Variants in FAM107B observed in about 807,000 individuals in gnomAD.
FAM107B encodes protein FAM107B.
Under a neutral mutation model 31.5 loss-of-function variants are expected in FAM107B, and 21 were observed. That is an observed-to-expected ratio of 0.67 (90% CI 0.47 to 0.96). FAM107B has a LOEUF of 0.96. Among genes scored for constraint, FAM107B ranks in the 40% least tolerant of loss-of-function variants. The pLI is 0.00. For synonymous variants in FAM107B, 157 were observed against 141.5 expected, an observed-to-expected ratio of 1.11 and a Z score of -0.78; for missense variants, 452 against 377.1, an observed-to-expected ratio of 1.20 and a Z score of -1.64.
chr10:14,752,040 A>G (rs1832838503), intron 1 of FAM107B, among the ~76,000 whole-genome samples: 1 of 152,092 alleles, frequency 6.6e-6, no homozygotes, highest in African/African-American at 2.4e-5. Context: ...CCCTATTGTG[A>G]TATTTACTGG....
intron 1 of FAM107B, among the ~76,000 whole-genome samples, chr10:14,737,766 T>TTCTCTCTCACTCTCTCTCTCTC (rs1856336806): frequency 7.9e-6 from 1 of 127,050 alleles, no homozygotes; most frequent in Non-Finnish European, 1.6e-5. Context: ...CGTGCACGCT[T>TTCTCTCTCACTCTCTCTCTCTC]TCTCTCTCTC....
At chr10:14,565,993 G>A (rs1019564941) in intron 2 of FAM107B, among the ~76,000 whole-genome samples, 7 of 152,234 alleles carry the variant, frequency 4.6e-5, no homozygotes, top group Admixed American at 3.9e-4. Flanking sequence ...TGCAGCACTG[G>A]CTTCATGGGC....
chr10:14,530,531 G>A lies in FAM107B; in HGVS notation c.470-16C>T. On this transcript the variant is annotated splice_polypyrimidine_tract_variant and intron_variant, in intron 2 of 4. Transcript: ENST00000181796. ...GGTGGGCTGTCTGAAAGAGAAAGAT[G>A]AGAAACACTCATTTGCAGTTTTTGC... 6.2e-7 allele frequency: 1 copy of A among 1,610,158 alleles called. No homozygotes were observed. Among genetic ancestry groups the A allele is most frequent in the Admixed American group, 1.7e-5 (1 of 59,590 alleles).
intron 1 of FAM107B, among the ~76,000 whole-genome samples, chr10:14,717,124 T>G (rs1855798087): frequency 6.6e-6 from 1 of 151,988 alleles, no homozygotes; most frequent in Non-Finnish European, 1.5e-5. Context: ...TAAAGTGACT[T>G]GTACATGGCA....
At chr10:14,623,238 G>T (rs185380514) in intron 2 of FAM107B, among the ~76,000 whole-genome samples, 1 of 152,088 alleles carries the variant, frequency 6.6e-6, no homozygotes, top group Non-Finnish European at 1.5e-5. Flanking sequence ...TAAGGCAAAC[G>T]CACCTTATTC....
At chr10:14,693,453 C>T (rs559736540) in intron 1 of FAM107B, among the ~76,000 whole-genome samples, 58 of 145,918 alleles carry the variant, frequency 4.0e-4, no homozygotes, top group South Asian at 3.3e-3. Context: ...ACTCCAGCCT[C>T]GGCGACAGAG....
At chr10:14,703,950 G>C (rs573869346) in intron 1 of FAM107B, among the ~76,000 whole-genome samples, 4 of 152,224 alleles carry the variant, frequency 2.6e-5, no homozygotes, top group Non-Finnish European at 5.9e-5. Flanking sequence ...CATTTTTAAA[G>C]GGGGAGAGGA....
At chr10:14,608,574 T>C (rs1430548945) in intron 2 of FAM107B, among the ~76,000 whole-genome samples, 2 of 152,194 alleles carry the variant, frequency 1.3e-5, no homozygotes, top group African/African-American at 4.8e-5. Context: ...TGATGGCAGC[T>C]GTCAGCTCAG....
At chr10:14,696,179 A>C (rs1392827084) in intron 1 of FAM107B, among the ~76,000 whole-genome samples, 1 of 152,244 alleles carries the variant, frequency 6.6e-6, no homozygotes, top group Non-Finnish European at 1.5e-5. Flanking sequence ...TTCAGAGTTT[A>C]TATCAAGAAA....
intron 1 of FAM107B, among the ~76,000 whole-genome samples, chr10:14,711,301 C>T (rs1187997066): frequency 2.0e-5 from 3 of 152,224 alleles, no homozygotes; most frequent in East Asian, 1.9e-4. Context: ...CCTTTAGATT[C>T]ACTCACCACT....
At chr10:14,724,200 T>A (rs796783932) in intron 1 of FAM107B, 1 of 408,764 alleles carries the variant, frequency 2.4e-6, no homozygotes, top group Non-Finnish European at 4.5e-6. Context: ...TTGTGTCTTA[T>A]ATTTAGGTCT....
At chr10:14,675,267 C>T (rs1219885906) in intron 1 of FAM107B, among the ~76,000 whole-genome samples, 2 of 152,042 alleles carry the variant, frequency 1.3e-5, no homozygotes, top group African/African-American at 4.8e-5. Context: ...TTTATGGCAC[C>T]GTGGTCAGGG....
chr10:14,750,277 G>A (rs778723441), intron 1 of FAM107B, among the ~76,000 whole-genome samples: 1 of 152,164 alleles, frequency 6.6e-6, no homozygotes, highest in Non-Finnish European at 1.5e-5. Flanking sequence ...ACATCGTAAC[G>A]GAAAGACATA....
chr10:14,530,585 C>T, intron 2 of FAM107B, 70 bp from the exon 3 acceptor site: 1 of 1,453,882 alleles, frequency 6.9e-7, no homozygotes, highest in African/African-American at 1.4e-5. Flanking sequence ...TGCAGAGGCC[C>T]ACAGAGCTGT....
chr10:14,587,315 T>G (rs141749613), intron 2 of FAM107B, among the ~76,000 whole-genome samples: 320 of 152,344 alleles, frequency 2.1e-3, no homozygotes, highest in African/African-American at 7.4e-3. Flanking sequence ...CAGGTACTCA[T>G]GTATTTATTC....
intron 2 of FAM107B, among the ~76,000 whole-genome samples, chr10:14,658,506 T>C (rs1478766039): frequency 2.6e-5 from 4 of 152,218 alleles, no homozygotes; most frequent in Non-Finnish European, 5.9e-5. Context: ...ACATCAAAAG[T>C]CACGTTGTAA....
chr10:14,648,486 G>A (rs1473064260), intron 2 of FAM107B, among the ~76,000 whole-genome samples: 1 of 152,198 alleles, frequency 6.6e-6, no homozygotes, highest in Non-Finnish European at 1.5e-5. Flanking sequence ...CAGGCTCCGA[G>A]GGGAAAAGAA....
chr10:14,571,278 G>A (rs188160869), intron 2 of FAM107B, among the ~76,000 whole-genome samples: 3 of 152,096 alleles, frequency 2.0e-5, no homozygotes, highest in Admixed American at 1.3e-4. Context: ...TGCATTTTTG[G>A]GGGTGACACA....
chr10:14,581,743 C>T (rs1038347495), intron 2 of FAM107B, among the ~76,000 whole-genome samples: 1 of 152,088 alleles, frequency 6.6e-6, no homozygotes, highest in Non-Finnish European at 1.5e-5. Context: ...TCTACAAAAA[C>T]ATAGTAAAAC....
Sources: allele counts gnomAD v4.1 joint callset (sites outside exome capture counted in the v4.1 genomes callset), GRCh38; gene constraint gnomAD v4.1.1; transcripts MANE v1.5; gene names NCBI Gene and HGNC (gene_info 2026-07-23, HGNC 2026-07-21).